Variants in ACTR3 observed in about 807,000 individuals in gnomAD.
ACTR3 encodes actin related protein 3, also known as actin-related protein 3.
ACTR3 carries 12 observed loss-of-function variants against 56.8 expected under a neutral mutation model. The ratio of observed to expected loss-of-function variants is 0.21; its 90% CI spans 0.14 to 0.34. The LOEUF is 0.34. Among genes scored for constraint, ACTR3 ranks in the 10% least tolerant of loss-of-function variants. The pLI is 1.00. For synonymous variants in ACTR3, 162 were observed against 167.4 expected, an observed-to-expected ratio of 0.97 and a Z score of 0.25; for missense variants, 282 against 512.5, an observed-to-expected ratio of 0.55 and a Z score of 4.34.
intron 1 of ACTR3, among the ~76,000 whole-genome samples, chr2:113,903,312 A>G (rs1485993728): frequency 6.6e-6 from 1 of 152,094 alleles, no homozygotes; most frequent in African/African-American, 2.4e-5. Flanking sequence ...GAGCCTCTTA[A>G]ATCTCTAAAT....
At chr2:113,931,466 CG>C in intron 5 of ACTR3, 70 bp downstream of exon 5, 1 of 1,028,256 alleles carries the variant, frequency 9.7e-7, no homozygotes, top group Non-Finnish European at 1.4e-6. Context: ...GCCTAAAATA[CG>C]TACTTTTTTT....
intron 10 of ACTR3, 139 bp from the exon 11 acceptor site, chr2:113,955,482 ATC>A: frequency 1.7e-6 from 1 of 598,092 alleles, no homozygotes; most frequent in Non-Finnish European, 2.9e-6. Context: ...GAGACAGCCA[ATC>A]TCAATTGTTT....
chr2:113,933,082 G>A (rs530869605), intron 5 of ACTR3, among the ~76,000 whole-genome samples: 5 of 152,130 alleles, frequency 3.3e-5, no homozygotes, highest in Non-Finnish European at 7.4e-5. Flanking sequence ...GAATTGTGTT[G>A]TATTGTCTGT....
chr2:113,951,872 A>G (rs904865989), intron 10 of ACTR3, 27 bp downstream of exon 10: 1 of 1,610,210 alleles, frequency 6.2e-7, no homozygotes, highest in African/African-American at 1.3e-5. Context: ...ATTGGTGAGA[A>G]GGTTGAGGGT....
chr2:113,957,583 A>G lies in ACTR3; in HGVS notation c.*128A>G, dbSNP rs1680239772. On this transcript the variant is annotated 3_prime_UTR_variant, in exon 12 of 12. Coordinates refer to ENST00000263238, the MANE Select transcript of ACTR3 (RefSeq NM_005721.5). ...TGAAATAGTAACACCAAACATGATT[A>G]TACAGGAATATTTTAATAAGTGTAT... The G allele has an allele frequency of 6.3e-6, 4 of 636,040 alleles. No homozygotes were observed. Among genetic ancestry groups the G allele is most frequent in the Non-Finnish European group, 1.1e-5 (4 of 356,102 alleles). 39.4% of individuals were successfully genotyped at this position (636,040 alleles called of 1,614,324 possible). A position where few individuals can be genotyped will look rare whatever the true frequency, so the allele number is the denominator to read the frequency against.
intron 1 of ACTR3, among the ~76,000 whole-genome samples, chr2:113,905,870 T>G (rs1028108090): frequency 6.6e-5 from 10 of 152,178 alleles, no homozygotes; most frequent in Admixed American, 5.2e-4. Flanking sequence ...TGGAAGTATA[T>G]ATCATATTTT....
intron 1 of ACTR3, among the ~76,000 whole-genome samples, chr2:113,891,557 A>G (rs773155764): frequency 4.8e-5 from 7 of 145,190 alleles, no homozygotes; most frequent in Non-Finnish European, 8.9e-5. Flanking sequence ...TCCAATTCCC[A>G]GAACACTCCC....
At chr2:113,925,381 A>G (rs1679599680) in intron 3 of ACTR3, among the ~76,000 whole-genome samples, 1 of 151,686 alleles carries the variant, frequency 6.6e-6, no homozygotes, top group African/African-American at 2.4e-5. Flanking sequence ...TTTTTAGTGG[A>G]GACGGGGTTT....
intron 1 of ACTR3, among the ~76,000 whole-genome samples, chr2:113,911,647 C>T (rs1297087512): frequency 6.8e-6 from 1 of 146,840 alleles, no homozygotes; most frequent in Admixed American, 6.7e-5. Flanking sequence ...TCGAATTCCT[C>T]ACCTCAAGTG....
chr2:113,949,937 A>G (rs1292385305), intron 8 of ACTR3, among the ~76,000 whole-genome samples: 2 of 152,184 alleles, frequency 1.3e-5, no homozygotes. Context: ...CTGTTTGGAA[A>G]TAGTAAGTTT....
intron 5 of ACTR3, 73 bp downstream of exon 5, chr2:113,931,469 A>AT (rs1679722532): frequency 1.0e-6 from 1 of 952,396 alleles, no homozygotes; most frequent in Non-Finnish European, 1.5e-6. Flanking sequence ...TAAAATACGT[A>AT]CTTTTTTTTT....
In ACTR3 at chr2:113,949,394, G is replaced by GAA. The variant is rs562713600; in HGVS notation, c.859-2075_859-2074dup. On this transcript the variant is annotated intron_variant, in intron 8 of 11. Coordinates refer to ENST00000263238, the MANE Select transcript of ACTR3 (RefSeq NM_005721.5). ...CTCGGTCTCAAAAAAAAAAAAAAAA[G>GAA]AAAAAAAAAAAGAAAAAATTGACAC... Among the ~76,000 whole-genome samples the GAA allele has an allele frequency of 1.3e-4, 14 of 108,844 alleles. No individual in the cohort carries two copies. The East Asian group carries it at 1.5e-3, about 12-fold the overall frequency. 71.4% of individuals were successfully genotyped at this position (108,844 alleles called of 152,430 possible). A position where few individuals can be genotyped will look rare whatever the true frequency, so the allele number is the denominator to read the frequency against.
intron 1 of ACTR3, among the ~76,000 whole-genome samples, chr2:113,891,778 C>G (rs1678906602): frequency 6.6e-6 from 1 of 152,086 alleles, no homozygotes. Flanking sequence ...CCACCAACTT[C>G]TTAATATTCT....
At chr2:113,941,803 A>G (rs535736924) in intron 7 of ACTR3, among the ~76,000 whole-genome samples, 1 of 152,244 alleles carries the variant, frequency 6.6e-6, no homozygotes. Context: ...GGTTATCACA[A>G]TTATTACTTA....
At chr2:113,942,653 A>C (rs929290482) in intron 8 of ACTR3, among the ~76,000 whole-genome samples, 2 of 151,904 alleles carry the variant, frequency 1.3e-5, no homozygotes, top group East Asian at 3.8e-4. Flanking sequence ...TCTTCCCTCC[A>C]TCATGGACTC....
At chr2:113,895,070 A>AC (rs1321951279) in intron 1 of ACTR3, among the ~76,000 whole-genome samples, 1 of 35,334 alleles carries the variant, frequency 2.8e-5, no homozygotes, top group Non-Finnish European at 5.5e-5. Flanking sequence ...CCCCCCCCCC[A>AC]CCCCCCTGCC....
intron 1 of ACTR3, among the ~76,000 whole-genome samples, chr2:113,895,617 A>G (rs1678992039): frequency 6.6e-6 from 1 of 152,142 alleles, no homozygotes; most frequent in South Asian, 2.1e-4. Context: ...GAAACCTGGT[A>G]TTGGCGGTGG....
chr2:113,890,447 C>T (rs777183566), intron 1 of ACTR3, 124 bp downstream of exon 1: 52 of 1,268,748 alleles, frequency 4.1e-5, no homozygotes, highest in Non-Finnish European at 5.0e-5. Context: ...GTCCTAGACC[C>T]GCCGGCCAGC....
At chr2:113,891,320 G>A (rs1467764527) in intron 1 of ACTR3, among the ~76,000 whole-genome samples, 1 of 152,174 alleles carries the variant, frequency 6.6e-6, no homozygotes, top group Non-Finnish European at 1.5e-5. Flanking sequence ...AGGTATATAG[G>A]AGGGTGTTTA....
Sources: allele counts gnomAD v4.1 joint callset (sites outside exome capture counted in the v4.1 genomes callset), GRCh38; gene constraint gnomAD v4.1.1; transcripts MANE v1.5; gene names NCBI Gene and HGNC (gene_info 2026-07-23, HGNC 2026-07-21).